Variants in ETV5 observed in about 807,000 individuals in gnomAD.
ETV5 encodes the protein ETS translocation variant 5.
ETV5 carries 10 observed loss-of-function variants against 70.0 expected under a neutral mutation model. The observed-to-expected ratio is 0.14, with a 90% CI of 0.09 to 0.24. The LOEUF (loss-of-function observed/expected upper bound fraction) is 0.24, where lower values mean the gene tolerates loss of function less well. Ranked by LOEUF, ETV5 falls within the 10% of genes least tolerant of loss-of-function variation. The pLI, the probability that ETV5 is intolerant of heterozygous loss-of-function variation, is 1.00. For synonymous variants in ETV5, 216 were observed against 242.2 expected, an observed-to-expected ratio of 0.89 and a Z score of 1.01; for missense variants, 453 against 651.2, an observed-to-expected ratio of 0.70 and a Z score of 3.31.
chr3:186,067,656 A>T (rs1403432179), intron 7 of ETV5, among the ~76,000 whole-genome samples: 1 of 152,232 alleles, frequency 6.6e-6, no homozygotes, highest in Admixed American at 6.5e-5. Context: ...AATATATATG[A>T]AAACTTACAA....
intron 11 of ETV5, among the ~76,000 whole-genome samples, chr3:186,055,463 C>T (rs909637244): frequency 2.6e-5 from 4 of 152,282 alleles, no homozygotes; most frequent in Admixed American, 6.5e-5. Context: ...GAAAAAAACA[C>T]GTAGGCACTA....
At chr3:186,058,693 T>C (rs1049103299) in intron 9 of ETV5, among the ~76,000 whole-genome samples, 8 of 152,184 alleles carry the variant, frequency 5.3e-5, no homozygotes, top group African/African-American at 1.9e-4. Context: ...ACAAGTGCTA[T>C]GTGGCTTATG....
At chr3:186,104,518 A>G (rs903909164) in intron 5 of ETV5, among the ~76,000 whole-genome samples, 2 of 152,166 alleles carry the variant, frequency 1.3e-5, no homozygotes, top group African/African-American at 4.8e-5. Context: ...AAAATTGACA[A>G]CATGTTGGAT....
rs116699819 is a variant in ETV5 at position 186,048,777 on chromosome 3, C to T, written c.1395G>A (p.Pro465=). 2,380 of 1,614,104 alleles carry T rather than the reference C, an allele frequency of 1.5e-3. 33 individuals carry two copies. In the African/African-American group the frequency reaches 0.029, roughly 19 times the overall value. The part of the protein sequence containing the change: ...FSMAFPDNQR[P]FLKAESECHL... ...GGCACTCGGACTCTGCCTTCAGGAA[C>T]GGACGCTGGTTATCCGGGAAAGCCA... The change falls in exon 13 of 13, where the codon CCG becomes CCA. Residue 465 remains proline (P), a synonymous_variant. Coordinates refer to ENST00000306376, the MANE Select transcript of ETV5 (RefSeq NM_004454.3).
chr3:186,067,151 G>C (rs965162544), intron 7 of ETV5, among the ~76,000 whole-genome samples: 5 of 152,090 alleles, frequency 3.3e-5, no homozygotes, highest in African/African-American at 9.6e-5. Flanking sequence ...AAAAAAATTG[G>C]CCCAGCACGG....
At chr3:186,065,303 T>A (rs1004802828) in intron 8 of ETV5, among the ~76,000 whole-genome samples, 7 of 152,190 alleles carry the variant, frequency 4.6e-5, no homozygotes, top group African/African-American at 1.7e-4. Flanking sequence ...ATGTTGCTGT[T>A]CATGCTACTC....
Position 186,047,742 on chromosome 3 carries a change from C to A in ETV5, c.*897G>T, listed in dbSNP as rs183515420. ...GCTGCAGTGTCTTCATAAGTTGGCA[C>A]GGCCCTGGCTAAAGGACACAGTGCA... On this transcript the variant is annotated 3_prime_UTR_variant, in exon 13 of 13. Transcript: ENST00000306376. 2 of 233,362 alleles carry A rather than the reference C, an allele frequency of 8.6e-6. No individual in the cohort carries two copies. The highest frequency in any genetic ancestry group is 3.6e-4 in the South Asian group (2 of 5,528). The allele number at this position is 233,362 out of a possible 1,614,324, so 14.5% of individuals were successfully genotyped here. A position where few individuals can be genotyped will look rare whatever the true frequency, so the allele number is the denominator to read the frequency against.
Position 186,054,177 on chromosome 3 carries a change from G to T in ETV5, c.1210-2046C>A, listed in dbSNP as rs556385431. 6.6e-6 allele frequency among the ~76,000 whole-genome samples: 1 copy of T among 152,222 alleles called. No individual in the cohort carries two copies. Among genetic ancestry groups the T allele is most frequent in the Non-Finnish European group, 1.5e-5 (1 of 68,032 alleles). On this transcript the variant is annotated intron_variant, in intron 11 of 12. Transcript: ENST00000306376. This position sits in a 1 kb window ranked among gnomAD's most constrained non-coding sequence, Gnocchi z 4.4. ...CTGTTCCTTCTACAGTAATGCATGA[G>T]GCGGCTCAGCTCCAGAGCAGCTGGG...
rs184350494 is a variant in ETV5, at chr3:186,096,299, C to T, written c.232+9006G>A. 1.7e-3 allele frequency among the ~76,000 whole-genome samples: 255 copies of T among 152,226 alleles called. 4 individuals are homozygous for T. The highest frequency in any genetic ancestry group is 2.1e-3 in the Non-Finnish European group (145 of 68,012). On this transcript the variant is annotated intron_variant, in intron 5 of 12. Transcript: ENST00000306376. The stretch of plus-strand genomic sequence containing the variant: ...GAAACTAGGGGTAGGCTCCAGGATC[C>T]GGCCTTTACTGTGGGTGACCATGTG...
At chr3:186,093,579 A>T (rs1714237208) in intron 5 of ETV5, among the ~76,000 whole-genome samples, 1 of 152,230 alleles carries the variant, frequency 6.6e-6, no homozygotes, top group Non-Finnish European at 1.5e-5. Flanking sequence ...TGGTTAGAAG[A>T]CAAAAACTAA....
rs1019652138 is a variant in ETV5 at position 186,046,500 on chromosome 3, C to T, written c.*2139G>A. Reference sequence around the variant, plus strand: ...AAACAAACAAACCCCAAAGAACCCCCGAAAAAAACAAAAACCATCCGGGAG... The same window carrying T: ...AAACAAACAAACCCCAAAGAACCCCTGAAAAAAACAAAAACCATCCGGGAG... On this transcript the variant is annotated 3_prime_UTR_variant, in exon 13 of 13. Coordinates refer to ENST00000306376, the MANE Select transcript of ETV5 (RefSeq NM_004454.3). The T allele has an allele frequency of 2.2e-5, 5 of 231,276 alleles. No homozygotes were observed. Among genetic ancestry groups the T allele is most frequent in the African/African-American group, 4.4e-5 (2 of 45,118 alleles). The allele number at this position is 231,276 out of a possible 1,614,324, so 14.3% of individuals were successfully genotyped here.
At chr3:186,055,196 G>A (rs1368029086) in intron 11 of ETV5, among the ~76,000 whole-genome samples, 1 of 152,194 alleles carries the variant, frequency 6.6e-6, no homozygotes, top group Non-Finnish European at 1.5e-5. Flanking sequence ...GACGGCCTGT[G>A]CTTAGGCCCG....
chr3:186,090,913 G>T (rs920396969), intron 5 of ETV5, among the ~76,000 whole-genome samples: 6 of 152,204 alleles, frequency 3.9e-5, no homozygotes, highest in Non-Finnish European at 7.3e-5. Context: ...TAATAAAAAG[G>T]AACACGGGGC....
chr3:186,058,703 G>A (rs1194329175), intron 9 of ETV5, among the ~76,000 whole-genome samples: 1 of 152,142 alleles, frequency 6.6e-6, no homozygotes, highest in Non-Finnish European at 1.5e-5. Context: ...TGTGGCTTAT[G>A]GAGGAGTAGG....
rs1205623430 is a variant in ETV5 at position 186,047,526 on chromosome 3, G to A, written c.*1113C>T. The A allele has an allele frequency of 8.6e-6, 2 of 232,398 alleles. No homozygotes were observed. The highest frequency in any genetic ancestry group is 1.7e-5 in the Non-Finnish European group (2 of 117,542). The allele number at this position is 232,398 out of a possible 1,614,324, so 14.4% of individuals were successfully genotyped here. ...GTTATATACATATGCTTTCCAGAGA[G>A]GGCATGTTAGTGAACACGGGGAACT... On this transcript the variant is annotated 3_prime_UTR_variant, in exon 13 of 13. Coordinates refer to ENST00000306376, the MANE Select transcript of ETV5 (RefSeq NM_004454.3).
At chr3:186,075,362 A>T (rs1275634497) in intron 7 of ETV5, among the ~76,000 whole-genome samples, 1 of 152,256 alleles carries the variant, frequency 6.6e-6, no homozygotes, top group Non-Finnish European at 1.5e-5. Context: ...ACTTACAGTC[A>T]AGTTCATTCC....
At chr3:186,096,630 GA>G (rs1036119669) in intron 5 of ETV5, among the ~76,000 whole-genome samples, 34 of 150,694 alleles carry the variant, frequency 2.3e-4, no homozygotes, top group African/African-American at 8.0e-4. Flanking sequence ...TACAGCAAGG[GA>G]AAAAAAAATC....
rs564619897 is a variant in ETV5, at chr3:186,046,783, T to C, written c.*1856A>G. Reference sequence around the variant, plus strand: ...CAGCTGGGGGTAAAATATGCATCTATGTATAGACTATGTGTAGGTTAAGAA... The same window carrying C: ...CAGCTGGGGGTAAAATATGCATCTACGTATAGACTATGTGTAGGTTAAGAA... On this transcript the variant is annotated 3_prime_UTR_variant, in exon 13 of 13. Coordinates refer to ENST00000306376, the MANE Select transcript of ETV5 (RefSeq NM_004454.3). 2.6e-5 allele frequency: 6 copies of C among 232,804 alleles called. No individual in the cohort carries two copies. The highest frequency in any genetic ancestry group is 1.3e-4 in the African/African-American group (6 of 45,386). The allele number at this position is 232,804 out of a possible 1,614,324, so 14.4% of individuals were successfully genotyped here. A position where few individuals can be genotyped will look rare whatever the true frequency, so the allele number is the denominator to read the frequency against.
intron 5 of ETV5, 108 bp from the exon 6 acceptor site, chr3:186,081,283 C>T (rs886199919): frequency 3.4e-6 from 4 of 1,161,522 alleles, no homozygotes; most frequent in African/African-American, 3.1e-5. Context: ...GTTCTTGGAA[C>T]TCATGTCAAG....
Sources: gnomAD v4.1 joint callset for allele counts (sites outside exome capture counted in the v4.1 genomes callset) on GRCh38, gnomAD v4.1.1 for gene constraint, Gnocchi (gnomAD v3.1) non-coding constraint, MANE v1.5 for transcripts, NCBI Gene and HGNC (gene_info 2026-07-23, HGNC 2026-07-21) for gene names.